The following PLEKHA2 variants were observed in gnomAD, a reference collection of about 807,000 sequenced individuals.
The protein encoded by PLEKHA2 is pleckstrin homology domain-containing family A member 2.
Under a neutral mutation model 53.2 loss-of-function variants are expected in PLEKHA2, and 28 were observed. The observed-to-expected ratio is 0.53, with a 90% CI of 0.39 to 0.72. The LOEUF (loss-of-function observed/expected upper bound fraction) is 0.72. Among genes scored for constraint, PLEKHA2 ranks in the 30% least tolerant of loss-of-function variants. The pLI is 0.00. For missense variants in PLEKHA2, 426 were observed against 537.9 expected, an observed-to-expected ratio of 0.79 and a Z score of 2.06; for synonymous variants, 193 against 196.4, an observed-to-expected ratio of 0.98 and a Z score of 0.14.
intron 4 of PLEKHA2, among the ~76,000 whole-genome samples, chr8:38,944,172 T>A (rs886670699): frequency 6.6e-6 from 1 of 152,158 alleles, no homozygotes; most frequent in African/African-American, 2.4e-5. Context: ...TATATTAGTC[T>A]GTTCTTGAAC....
rs536162515 is a variant in PLEKHA2, at chr8:38,954,492, C to T, written c.773+1125C>T. On this transcript the variant is annotated intron_variant, in intron 9 of 11. Coordinates refer to ENST00000617275, the MANE Select transcript of PLEKHA2 (RefSeq NM_021623.2). ...AGCTTAGAGAACCATAAGGAACTTA[C>T]GGTTAAATCCTAAGAATGCCTTGAA... Among the ~76,000 whole-genome samples, 523 of 152,214 alleles carry T rather than the reference C, an allele frequency of 3.4e-3. 7 individuals carry two copies. Among genetic ancestry groups the T allele is most frequent in the Non-Finnish European group, 3.6e-3 (246 of 68,020 alleles).
In PLEKHA2 at chr8:38,949,059, C is replaced by T. The variant is rs376698940; in HGVS notation, c.346-1791C>T. Among the ~76,000 whole-genome samples, 39 of 152,072 alleles carry T rather than the reference C, an allele frequency of 2.6e-4. 1 individual carries two copies. Among genetic ancestry groups the T allele is most frequent in the African/African-American group, 8.4e-4 (35 of 41,494 alleles). On this transcript the variant is annotated intron_variant, in intron 5 of 11. Coordinates refer to ENST00000617275, the MANE Select transcript of PLEKHA2 (RefSeq NM_021623.2). The stretch of plus-strand genomic sequence containing the variant: ...CTAATTTTTGTATTTTTAGTAGAGA[C>T]GGAATTTCACTATATTGGTCAGGCT...
At chr8:38,934,200 A>G (rs971752857) in intron 2 of PLEKHA2, among the ~76,000 whole-genome samples, 9 of 152,022 alleles carry the variant, frequency 5.9e-5, no homozygotes, top group East Asian at 1.9e-4. Flanking sequence ...GCGTTTCACT[A>G]TGTTGGCCAG....
intron 1 of PLEKHA2, among the ~76,000 whole-genome samples, chr8:38,916,564 C>A (rs932591243): frequency 6.6e-6 from 1 of 152,078 alleles, no homozygotes; most frequent in Non-Finnish European, 1.5e-5. Context: ...CATAATGATC[C>A]CCAGTTCCAT....
At chr8:38,916,275 C>T (rs1834058584) in intron 1 of PLEKHA2, among the ~76,000 whole-genome samples, 1 of 152,164 alleles carries the variant, frequency 6.6e-6, no homozygotes, top group Non-Finnish European at 1.5e-5. Flanking sequence ...CCATGCCTGG[C>T]CTCTTTTAGT....
At chr8:38,967,903 C>G (rs1044517568) in intron 10 of PLEKHA2, among the ~76,000 whole-genome samples, 1 of 152,098 alleles carries the variant, frequency 6.6e-6, no homozygotes, top group Non-Finnish European at 1.5e-5. Context: ...CTCAGGCAAT[C>G]CACCCGCCTC....
At chr8:38,954,737 AT>A (rs1834906917) in intron 9 of PLEKHA2, among the ~76,000 whole-genome samples, 1 of 152,142 alleles carries the variant, frequency 6.6e-6, no homozygotes, top group South Asian at 2.1e-4. Flanking sequence ...AAAAATATAT[AT>A]CTTTTTAGGC....
intron 3 of PLEKHA2, among the ~76,000 whole-genome samples, chr8:38,937,899 G>T (rs767467439): frequency 6.6e-6 from 1 of 152,204 alleles, no homozygotes; most frequent in Non-Finnish European, 1.5e-5. Flanking sequence ...AGAGGGCTGC[G>T]TGTGGGCTGG....
intron 2 of PLEKHA2, among the ~76,000 whole-genome samples, chr8:38,935,110 T>C (rs1277040481): frequency 6.6e-6 from 1 of 152,062 alleles, no homozygotes; most frequent in Admixed American, 6.6e-5. Flanking sequence ...ACCTCCCAGG[T>C]TCAAGCGATT....
intron 3 of PLEKHA2, among the ~76,000 whole-genome samples, chr8:38,940,135 C>T (rs1480421305): frequency 3.4e-5 from 5 of 148,128 alleles, no homozygotes; most frequent in East Asian, 2.0e-4. Context: ...TGGTGGCTCA[C>T]GCCTATAATC....
At chr8:38,959,796 C>A (rs556057180) in intron 10 of PLEKHA2, among the ~76,000 whole-genome samples, 1 of 152,110 alleles carries the variant, frequency 6.6e-6, no homozygotes, top group African/African-American at 2.4e-5. Context: ...CAGGTATGCC[C>A]GGATGTTTGG....
chr8:38,950,326 A>G (rs1207446474), intron 5 of PLEKHA2, among the ~76,000 whole-genome samples: 1 of 151,950 alleles, frequency 6.6e-6, no homozygotes, highest in African/African-American at 2.4e-5. Context: ...GAGGCCCCGG[A>G]CCTGGCCCCC....
chr8:38,952,443 G>A, intron 7 of PLEKHA2, 131 bp downstream of exon 7: 1 of 1,415,946 alleles, frequency 7.1e-7, no homozygotes, highest in East Asian at 2.5e-5. Context: ...ACCTTTGAGG[G>A]TGAGATTTTG....
intron 2 of PLEKHA2, among the ~76,000 whole-genome samples, chr8:38,930,262 C>T (rs922502878): frequency 6.6e-6 from 1 of 152,028 alleles, no homozygotes. Context: ...AGTGCAGTGG[C>T]GCAATCTCGG....
intron 4 of PLEKHA2, among the ~76,000 whole-genome samples, chr8:38,944,926 G>C (rs963553304): frequency 1.4e-5 from 2 of 145,668 alleles, no homozygotes; most frequent in Non-Finnish European, 3.1e-5. Flanking sequence ...TTTTAGAGCT[G>C]AGAAATGTTG....
At chr8:38,940,654 G>A (rs985798986) in intron 3 of PLEKHA2, among the ~76,000 whole-genome samples, 1 of 108,566 alleles carries the variant, frequency 9.2e-6, no homozygotes, top group Non-Finnish European at 1.8e-5. Flanking sequence ...AAGGGGCGGG[G>A]GGGGGGGGTC....
intron 3 of PLEKHA2, among the ~76,000 whole-genome samples, chr8:38,939,299 T>C (rs1397553806): frequency 2.6e-5 from 4 of 152,238 alleles, no homozygotes; most frequent in Admixed American, 6.5e-5. Flanking sequence ...ATAGTGTTTT[T>C]ACTCTGGCTT....
In PLEKHA2 at chr8:38,953,436, C is replaced by G. The variant is rs761228945; in HGVS notation, c.773+69C>G. The G allele has an allele frequency of 3.6e-6, 5 of 1,371,828 alleles. No homozygotes were observed. In the East Asian group the frequency reaches 9.1e-5, roughly 25 times the overall value. The allele number at this position is 1,371,828 out of a possible 1,614,324, so 85.0% of individuals were successfully genotyped here. A position where few individuals can be genotyped will look rare whatever the true frequency, so the allele number is the denominator to read the frequency against. Reference sequence around the variant, plus strand: ...GTCCTCTTAAATCTCCCTTTACTACCCTTCAGAGACTCTATGCAAGAGTCA... The same window carrying G: ...GTCCTCTTAAATCTCCCTTTACTACGCTTCAGAGACTCTATGCAAGAGTCA... On this transcript the variant is annotated intron_variant, in intron 9 of 11. Transcript: ENST00000617275.
In PLEKHA2 at chr8:38,901,443, G is replaced by GT. The variant is rs762207197; in HGVS notation, c.-26_-25insT. The GT allele has an allele frequency of 0.035, 5,288 of 151,630 alleles. 146 individuals are homozygous for GT. Among genetic ancestry groups the GT allele is most frequent in the Non-Finnish European group, 0.053 (3,575 of 67,870 alleles). 9.4% of individuals were successfully genotyped at this position (151,630 alleles called of 1,614,324 possible). ...GCCCGAGCCCCGGCCCCTGCACGGGGGGGTAAGTTGGGCGCCCTCGCGGGC... is the reference window on the plus strand; with the variant it reads ...GCCCGAGCCCCGGCCCCTGCACGGGGTGGGTAAGTTGGGCGCCCTCGCGGGC... On this transcript the variant is annotated splice_region_variant and 5_prime_UTR_variant, in exon 1 of 12. Coordinates refer to ENST00000617275, the MANE Select transcript of PLEKHA2 (RefSeq NM_021623.2).
Sources: gnomAD v4.1 joint callset for allele counts (sites outside exome capture counted in the v4.1 genomes callset) on GRCh38, gnomAD v4.1.1 for gene constraint, MANE v1.5 for transcripts, NCBI Gene and HGNC (gene_info 2026-07-23, HGNC 2026-07-21) for gene names.